BCL2: variants seen among roughly 807,000 people sequenced by gnomAD.
BCL2 encodes BCL2 apoptosis regulator.
Under a neutral mutation model 14.2 loss-of-function variants are expected in BCL2, and 1 was observed. That is an observed-to-expected ratio of 0.07 (90% CI 0.02 to 0.33). The LOEUF is 0.33. BCL2 is among the 10% of genes least tolerant of loss of function. BCL2 has a pLI of 0.99. For missense variants in BCL2, 247 were observed against 305.9 expected (o/e 0.81, Z 1.44); for synonymous variants, 151 against 137.2 (o/e 1.10, Z -0.70).
Position 63,318,804 on chromosome 18 carries a change from C to G in BCL2, c.-138G>C. ...TTTGCATTCTTGGACGAGGGGGTGT[C>G]TTCAATCACGCGGAACACTTGATTC... is the stretch of plus-strand genomic sequence containing the variant. On this transcript the variant is annotated 5_prime_UTR_variant, in exon 2 of 3. Coordinates refer to ENST00000333681, the MANE Select transcript of BCL2 (RefSeq NM_000633.3). This position sits in a 1 kb window ranked among gnomAD's most constrained non-coding sequence, Gnocchi z 7.4. 6.8e-7 allele frequency: 1 copy of G among 1,463,478 alleles called. No individual in the cohort carries two copies. The highest frequency in any genetic ancestry group is 9.0e-7 in the Non-Finnish European group (1 of 1,107,548). The allele number at this position is 1,463,478 out of a possible 1,614,324, so 90.7% of individuals were successfully genotyped here.
At position 63,127,246 on chromosome 18, in the gene BCL2, C is replaced by T. The variant is rs139755068; in HGVS notation, c.*1379G>A. 121 of 231,078 alleles carry T rather than the reference C, an allele frequency of 5.2e-4. 1 individual carries two copies. In the East Asian group the frequency reaches 7.2e-3, roughly 14 times the overall value. 14.3% of individuals were successfully genotyped at this position (231,078 alleles called of 1,614,324 possible). On this transcript the variant is annotated 3_prime_UTR_variant, in exon 3 of 3. Transcript: ENST00000333681. ...CTCTCCAAAGTCATTTAAAGCCTTGCTTTAAACTCACAGGTGGGCCAAGGC... is the reference window on the plus strand; with the variant it reads ...CTCTCCAAAGTCATTTAAAGCCTTGTTTTAAACTCACAGGTGGGCCAAGGC...
intron 2 of BCL2, among the ~76,000 whole-genome samples, chr18:63,196,426 G>C (rs369055940): frequency 6.6e-6 from 1 of 151,990 alleles, no homozygotes. Flanking sequence ...GAAGGAGGGG[G>C]GAGTTTAGCT....
chr18:63,309,484 T>C (rs557724709), intron 2 of BCL2, among the ~76,000 whole-genome samples: 17 of 152,266 alleles, frequency 1.1e-4, no homozygotes, highest in African/African-American at 3.4e-4. Context: ...GGCACTTGAG[T>C]CCTGATTCTT....
At chr18:63,173,206 G>A (rs1357903243) in intron 2 of BCL2, among the ~76,000 whole-genome samples, 1 of 151,998 alleles carries the variant, frequency 6.6e-6, no homozygotes, top group Non-Finnish European at 1.5e-5. Context: ...ACCACAAGAA[G>A]TTTAGCTCCA....
chr18:63,248,363 T>C (rs1382362816), intron 2 of BCL2, among the ~76,000 whole-genome samples: 1 of 152,260 alleles, frequency 6.6e-6, no homozygotes, highest in African/African-American at 2.4e-5. Flanking sequence ...TGAGATGCCA[T>C]GTCCTTCACA....
At chr18:63,196,536 G>A (rs1909450710) in intron 2 of BCL2, among the ~76,000 whole-genome samples, 1 of 151,960 alleles carries the variant, frequency 6.6e-6, no homozygotes, top group Non-Finnish European at 1.5e-5. Flanking sequence ...TAATGCAATC[G>A]TTTCTCTCTA....
upstream of BCL2, chr18:63,319,984 G>C (rs1275381888): frequency 1.3e-5 from 2 of 152,450 alleles, no homozygotes; most frequent in Non-Finnish European, 2.9e-5. Flanking sequence ...AGCCCGCTCC[G>C]AGCGCTGACG....
rs533107746 is a variant in BCL2 at position 63,255,019 on chromosome 18, T to C, written c.585+63063A>G. 1.2e-3 allele frequency among the ~76,000 whole-genome samples: 189 copies of C among 152,326 alleles called. 1 individual carries two copies. The highest frequency in any genetic ancestry group is 4.3e-3 in the African/African-American group (179 of 41,572). ...TTGGATTGCAGAGCTCACTGCTGTGTGCATAGACCTGGCAAGTGTACGGCT... is the reference window on the plus strand; with the variant it reads ...TTGGATTGCAGAGCTCACTGCTGTGCGCATAGACCTGGCAAGTGTACGGCT... On this transcript the variant is annotated intron_variant, in intron 2 of 2. Transcript: ENST00000333681.
At position 63,276,177 on chromosome 18, in the gene BCL2, G is replaced by T. The variant is rs542876405; in HGVS notation, c.585+41905C>A. Reference sequence around the variant, plus strand: ...CAGAGGTCAGCCTGGTACCTCTGCAGCTCACTCTTGGGGGCCGAGTCCTTG... The same window carrying T: ...CAGAGGTCAGCCTGGTACCTCTGCATCTCACTCTTGGGGGCCGAGTCCTTG... On this transcript the variant is annotated intron_variant, in intron 2 of 2. Coordinates refer to ENST00000333681, the MANE Select transcript of BCL2 (RefSeq NM_000633.3). 2.6e-5 allele frequency among the ~76,000 whole-genome samples: 4 copies of T among 152,284 alleles called. No homozygotes were observed. The East Asian group carries it at 7.7e-4, about 29-fold the overall frequency.
chr18:63,297,015 A>G (rs1172723186), intron 2 of BCL2, among the ~76,000 whole-genome samples: 2 of 152,170 alleles, frequency 1.3e-5, no homozygotes, highest in African/African-American at 4.8e-5. Context: ...GATTGAGACC[A>G]TCTTGGTTAA....
chr18:63,254,000 A>G (rs1056705721), intron 2 of BCL2, among the ~76,000 whole-genome samples: 4 of 151,756 alleles, frequency 2.6e-5, no homozygotes, highest in African/African-American at 7.3e-5. Flanking sequence ...AAATACATAT[A>G]AAGTTAGTGT....
chr18:63,238,500 G>A (rs1186828726), intron 2 of BCL2, among the ~76,000 whole-genome samples: 1 of 152,198 alleles, frequency 6.6e-6, no homozygotes, highest in Non-Finnish European at 1.5e-5. Flanking sequence ...ACGGGGTGAA[G>A]TAATTTTGTT....
chr18:63,319,283 C>G lies in BCL2; in HGVS notation c.-396G>C. 1 of 230,250 alleles carries G rather than the reference C, an allele frequency of 4.3e-6. No homozygotes were observed. The allele number at this position is 230,250 out of a possible 1,614,324, so 14.3% of individuals were successfully genotyped here. Reference sequence around the variant, plus strand: ...AATCTTCAGCACTCTCCAGTTATAGCTGATTTGAAACTTCCCAATGAATCA... The same window carrying G: ...AATCTTCAGCACTCTCCAGTTATAGGTGATTTGAAACTTCCCAATGAATCA... On this transcript the variant is annotated 5_prime_UTR_variant, in exon 1 of 3. Coordinates refer to ENST00000333681, the MANE Select transcript of BCL2 (RefSeq NM_000633.3).
intron 2 of BCL2, among the ~76,000 whole-genome samples, chr18:63,241,237 C>T (rs190166469): frequency 2.9e-4 from 44 of 152,282 alleles, no homozygotes; most frequent in South Asian, 4.1e-4. Flanking sequence ...TTTTACATAG[C>T]GCTTGTTATT....
chr18:63,287,148 A>C (rs1912499106), intron 2 of BCL2, among the ~76,000 whole-genome samples: 1 of 152,120 alleles, frequency 6.6e-6, no homozygotes, highest in Admixed American at 6.5e-5. Flanking sequence ...TTTCTTACTC[A>C]GAGTGACTTC....
chr18:63,145,011 G>T (rs1351324618), intron 2 of BCL2, among the ~76,000 whole-genome samples: 2 of 152,192 alleles, frequency 1.3e-5, no homozygotes, highest in Non-Finnish European at 2.9e-5. Context: ...TTAAAATGTT[G>T]TATGATATAG....
intron 2 of BCL2, among the ~76,000 whole-genome samples, chr18:63,283,912 T>C (rs776789196): frequency 7.2e-5 from 11 of 152,210 alleles, no homozygotes; most frequent in Non-Finnish European, 1.0e-4. Flanking sequence ...AGAGCACTTT[T>C]AAAATAAACT....
chr18:63,252,603 C>A (rs1442711218), intron 2 of BCL2, among the ~76,000 whole-genome samples: 1 of 152,162 alleles, frequency 6.6e-6, no homozygotes, highest in African/African-American at 2.4e-5. Flanking sequence ...GAGTTCCCTG[C>A]ACAAGCTCTC....
At chr18:63,311,259 T>C (rs1292048495) in intron 2 of BCL2, among the ~76,000 whole-genome samples, 1 of 152,164 alleles carries the variant, frequency 6.6e-6, no homozygotes, top group African/African-American at 2.4e-5. Flanking sequence ...GCATTCATCA[T>C]GTTGTAAAGC....
Sources: allele counts gnomAD v4.1 joint callset (sites outside exome capture counted in the v4.1 genomes callset), GRCh38; gene constraint gnomAD v4.1.1; non-coding constraint Gnocchi (gnomAD v3.1); transcripts MANE v1.5; gene names NCBI Gene and HGNC (gene_info 2026-07-23, HGNC 2026-07-21).